STK33: variants seen among roughly 807,000 people sequenced by gnomAD.
STK33 encodes serine/threonine kinase 33.
In STK33, 52 loss-of-function variants were observed where a neutral mutation model predicts 58.0. The observed-to-expected ratio is 0.90, with a 90% CI of 0.72 to 1.13. The LOEUF (loss-of-function observed/expected upper bound fraction) is 1.13, where lower values mean the gene tolerates loss of function less well. STK33 is among the 50% of genes most tolerant of loss of function. The pLI is 0.00. For missense variants in STK33, 630 were observed against 604.2 expected (o/e 1.04, Z -0.45); for synonymous variants, 215 against 200.1 (o/e 1.07, Z -0.63).
At position 8,583,441 on chromosome 11, in the gene STK33, C is replaced by A. The variant is rs374928146; in HGVS notation, c.-466+10642G>T. 6.6e-5 allele frequency among the ~76,000 whole-genome samples: 10 copies of A among 152,178 alleles called. No homozygotes were observed. The East Asian group carries it at 1.7e-3, about 26-fold the overall frequency. Reference sequence around the variant, plus strand: ...GTAGGAAAGGATCAAACTCAAGAACCCTCTGCTTCATAGGGAGCAAGTCTT... The same window carrying A: ...GTAGGAAAGGATCAAACTCAAGAACACTCTGCTTCATAGGGAGCAAGTCTT... On this transcript the variant is annotated intron_variant, in intron 1 of 15. Transcript: ENST00000687296.
At chr11:8,366,583 TC>T in the STK33 span, among the ~76,000 whole-genome samples, 1 of 152,148 alleles carries the variant, frequency 6.6e-6, no homozygotes, top group Non-Finnish European at 1.5e-5. Context: ...TCCCCTGGGT[TC>T]CCTTTCCCCT....
the STK33 span, among the ~76,000 whole-genome samples, chr11:8,344,712 G>A: frequency 6.6e-6 from 1 of 152,214 alleles, no homozygotes; most frequent in African/African-American, 2.4e-5. Flanking sequence ...CTTCTAGGGT[G>A]TGGAAAGTAC....
At chr11:8,457,047 T>G (rs886661104) in intron 9 of STK33, among the ~76,000 whole-genome samples, 1 of 152,222 alleles carries the variant, frequency 6.6e-6, no homozygotes, top group African/African-American at 2.4e-5. Flanking sequence ...TTATGATTAA[T>G]AGATGTTTTG....
At chr11:8,370,119 G>A in the STK33 span, among the ~76,000 whole-genome samples, 3 of 152,218 alleles carry the variant, frequency 2.0e-5, no homozygotes, top group African/African-American at 7.2e-5. Flanking sequence ...GGCTGGCTTG[G>A]AGCTGCTTTG....
chr11:8,427,255 A>G (rs1192046380), intron 14 of STK33, among the ~76,000 whole-genome samples: 1 of 152,184 alleles, frequency 6.6e-6, no homozygotes, highest in Non-Finnish European at 1.5e-5. Flanking sequence ...TTTTAACTTT[A>G]AAGTTCTTTT....
intron 14 of STK33, among the ~76,000 whole-genome samples, chr11:8,417,376 A>G (rs1941281154): frequency 6.6e-6 from 1 of 152,156 alleles, no homozygotes. Flanking sequence ...TAAGATTTGA[A>G]TTTAATCCCT....
At chr11:8,458,187 C>T (rs1947105510) in intron 8 of STK33, among the ~76,000 whole-genome samples, 1 of 152,096 alleles carries the variant, frequency 6.6e-6, no homozygotes, top group African/African-American at 2.4e-5. Context: ...CAAACCTTTG[C>T]TATAGAGATC....
At chr11:8,578,395 T>C (rs1260590348) in intron 1 of STK33, among the ~76,000 whole-genome samples, 1 of 152,030 alleles carries the variant, frequency 6.6e-6, no homozygotes, top group African/African-American at 2.4e-5. Flanking sequence ...TAAGTTGTGG[T>C]ACATCCATTC....
chr11:8,467,064 C>T (rs966320591), intron 6 of STK33: 1 of 152,238 alleles, frequency 6.6e-6, no homozygotes, highest in Non-Finnish European at 1.5e-5. Context: ...CACGAAACCA[C>T]TTTTTCCTCC....
the STK33 span, among the ~76,000 whole-genome samples, chr11:8,367,615 T>A: frequency 0.013 from 1,917 of 152,290 alleles, 39 homozygotes; most frequent in African/African-American, 0.043. Context: ...AGACTAAAGA[T>A]GCTTTTCAAA....
chr11:8,467,366 T>C, intron 6 of STK33: 1 of 153,570 alleles, frequency 6.5e-6, no homozygotes, highest in Non-Finnish European at 1.4e-5. Flanking sequence ...CCAGATACCC[T>C]AAATCATCTC....
intron 15 of STK33, among the ~76,000 whole-genome samples, chr11:8,399,380 C>T (rs1230350711): frequency 1.3e-5 from 2 of 151,994 alleles, no homozygotes; most frequent in South Asian, 2.1e-4. Flanking sequence ...GGGTACATAA[C>T]GAAATGAAGG....
chr11:8,580,335 G>A (rs1056314363), intron 1 of STK33, among the ~76,000 whole-genome samples: 30 of 152,068 alleles, frequency 2.0e-4, no homozygotes, highest in Non-Finnish European at 2.1e-4. Context: ...TGGAACTGGA[G>A]GTCATTATGT....
intron 14 of STK33, among the ~76,000 whole-genome samples, chr11:8,423,294 A>G (rs1942222387): frequency 6.7e-6 from 1 of 149,700 alleles, no homozygotes; most frequent in African/African-American, 2.5e-5. Flanking sequence ...CTACTACTTT[A>G]TTTGGTTTTA....
intron 1 of STK33, among the ~76,000 whole-genome samples, chr11:8,539,455 T>C (rs11041966): frequency 0.14 from 21,667 of 151,964 alleles, 1,644 homozygotes; most frequent in East Asian, 0.27. Context: ...CTGGCCAATA[T>C]GAAGATGAAA....
chr11:8,547,183 G>C (rs1353856388), intron 1 of STK33, among the ~76,000 whole-genome samples: 1 of 152,018 alleles, frequency 6.6e-6, no homozygotes, highest in Admixed American at 6.6e-5. Flanking sequence ...TTTTCATATA[G>C]AGTTGGCCAT....
intron 14 of STK33, among the ~76,000 whole-genome samples, chr11:8,417,735 T>C (rs545411669): frequency 6.6e-6 from 1 of 152,214 alleles, no homozygotes; most frequent in South Asian, 2.1e-4. Flanking sequence ...AAAAATAAAA[T>C]TCAAGTCAAA....
At chr11:8,379,972 T>C in the STK33 span, among the ~76,000 whole-genome samples, 1 of 152,190 alleles carries the variant, frequency 6.6e-6, no homozygotes, top group East Asian at 1.9e-4. Flanking sequence ...TTTATTTTTG[T>C]GGCTCCATAG....
intron 1 of STK33, among the ~76,000 whole-genome samples, chr11:8,578,329 G>C (rs10160430): frequency 6.6e-6 from 1 of 151,768 alleles, no homozygotes; most frequent in African/African-American, 2.4e-5. Flanking sequence ...AGCATCACTT[G>C]TAATAGCAAA....
Sources: gnomAD v4.1 joint callset for allele counts (sites outside exome capture counted in the v4.1 genomes callset) on GRCh38, gnomAD v4.1.1 for gene constraint, MANE v1.5 for transcripts, NCBI Gene and HGNC (gene_info 2026-07-23, HGNC 2026-07-21) for gene names.